Variants in STRN3 observed in about 807,000 individuals in gnomAD.
STRN3 encodes the protein striatin 3.
A neutral mutation model predicts 95.6 loss-of-function variants in STRN3; 29 were observed. That is an observed-to-expected ratio of 0.30 (90% CI 0.23 to 0.41). STRN3 has a LOEUF of 0.41. Among genes scored for constraint, STRN3 ranks in the 10% least tolerant of loss-of-function variants. The pLI, the probability that STRN3 is intolerant of heterozygous loss-of-function variation, is 1.00. For missense variants in STRN3, 890 were observed against 972.1 expected (o/e 0.92, Z 1.12); for synonymous variants, 331 against 357.6 (o/e 0.93, Z 0.84).
At chr14:30,992,441 G>A (rs1467326135) in intron 1 of STRN3, among the ~76,000 whole-genome samples, 4 of 150,988 alleles carry the variant, frequency 2.6e-5, no homozygotes, top group African/African-American at 9.7e-5. Flanking sequence ...AGAAAAAGAA[G>A]TAAGTGTCTT....
chr14:30,977,794 G>GAAAA (rs869303485), intron 1 of STRN3, among the ~76,000 whole-genome samples: 6 of 109,912 alleles, frequency 5.5e-5, no homozygotes, highest in South Asian at 4.0e-4. Context: ...ACTCTATCTC[G>GAAAA]AAAAAAAAAA....
chr14:30,989,273 T>G (rs922878916), intron 1 of STRN3, among the ~76,000 whole-genome samples: 3 of 152,114 alleles, frequency 2.0e-5, no homozygotes, highest in Admixed American at 6.6e-5. Context: ...CACCGTGAAC[T>G]TCCTCTATCT....
At chr14:31,006,952 CA>C (rs759453876) in intron 1 of STRN3, among the ~76,000 whole-genome samples, 37 of 152,052 alleles carry the variant, frequency 2.4e-4, no homozygotes, top group Non-Finnish European at 4.9e-4. Context: ...ATGGCGACTG[CA>C]CTCCAGCCTG....
At chr14:30,966,944 C>T (rs1452608890) in intron 1 of STRN3, among the ~76,000 whole-genome samples, 1 of 151,868 alleles carries the variant, frequency 6.6e-6, no homozygotes, top group African/African-American at 2.4e-5. Flanking sequence ...AGGGGGGAAG[C>T]AGGTCAACCT....
chr14:31,011,456 A>G (rs78246197), intron 1 of STRN3, among the ~76,000 whole-genome samples: 5,027 of 152,286 alleles, frequency 0.033, 291 homozygotes, highest in African/African-American at 0.11. Flanking sequence ...AGCTTAGCTA[A>G]TATGGCAAAA....
rs371044235 is a variant in STRN3, at chr14:30,936,630, C to A, written c.717-6G>T. ...CAAGAACATCACCAGAGGACCTGTG[C>A]GAAGGAAAAAAAGATAAATCCAACT... is the stretch of plus-strand genomic sequence containing the variant. On this transcript the variant is annotated splice_polypyrimidine_tract_variant and splice_region_variant and intron_variant, in intron 5 of 17. Coordinates refer to ENST00000357479, the MANE Select transcript of STRN3 (RefSeq NM_001083893.2). 3.1e-6 allele frequency: 5 copies of A among 1,596,368 alleles called. No individual in the cohort carries two copies. Among genetic ancestry groups the A allele is most frequent in the Non-Finnish European group, 3.4e-6 (4 of 1,175,230 alleles).
chr14:30,921,461 C>A (rs1896883485), intron 8 of STRN3, among the ~76,000 whole-genome samples: 1 of 152,100 alleles, frequency 6.6e-6, no homozygotes, highest in South Asian at 2.1e-4. Context: ...AGCCTGATAG[C>A]TTCAGTGTGA....
chr14:30,915,915 T>G (rs1896726600), intron 9 of STRN3, among the ~76,000 whole-genome samples: 1 of 152,234 alleles, frequency 6.6e-6, no homozygotes, highest in African/African-American at 2.4e-5. Flanking sequence ...TAATTGTACT[T>G]AACAAAAAAT....
At chr14:30,928,872 GA>G (rs3215580) in intron 8 of STRN3, among the ~76,000 whole-genome samples, 21,698 of 151,936 alleles carry the variant, frequency 0.14, 1,691 homozygotes, top group East Asian at 0.29. Flanking sequence ...CAAAAATGGA[GA>G]AATTTATACT....
Position 30,919,083 on chromosome 14 carries a change from C to T in STRN3, c.1123G>A (p.Asp375Asn), listed in dbSNP as rs777003274. The change falls in exon 9 of 18, where the codon GAC becomes AAC. Residue 375 changes from aspartate (D) to asparagine (N), a missense_variant. Physicochemically the swap from Asp to Asn is conservative, Grantham distance 23. This residue lies in a region of STRN3 where 526 missense variants were observed against 526.3 expected (regional missense o/e 1.00). Coordinates refer to ENST00000357479, the MANE Select transcript of STRN3 (RefSeq NM_001083893.2). ...TCATCTCCCAGATCAGCTATCATGT[C>T]GTAGAGTTTTGTCCTGTTGGCCCCT... Reference protein sequence around the residue: ...VKRANRTKLYDMIADLGDDEL... With the variant: ...VKRANRTKLYNMIADLGDDEL... 43 of 1,608,586 alleles carry T rather than the reference C, an allele frequency of 2.7e-5. No individual in the cohort carries two copies. Among genetic ancestry groups the T allele is most frequent in the Middle Eastern group, 1.6e-4 (1 of 6,066 alleles).
chr14:30,902,791 C>A, intron 15 of STRN3, 148 bp from the exon 16 acceptor site: 1 of 589,300 alleles, frequency 1.7e-6, no homozygotes, highest in South Asian at 2.2e-5. Context: ...AACAAGGACT[C>A]TAGAGAGATT....
intron 1 of STRN3, among the ~76,000 whole-genome samples, chr14:30,994,120 C>T (rs1882092777): frequency 6.6e-6 from 1 of 152,020 alleles, no homozygotes; most frequent in Non-Finnish European, 1.5e-5. Flanking sequence ...AGGTGATCCG[C>T]CCGCCTCGGC....
At chr14:30,923,742 A>AT (rs1328801196) in intron 8 of STRN3, among the ~76,000 whole-genome samples, 1 of 152,192 alleles carries the variant, frequency 6.6e-6, no homozygotes, top group Non-Finnish European at 1.5e-5. Context: ...AACAGCTCCT[A>AT]TCAAAGGAAA....
chr14:30,986,311 G>GT (rs58591437), intron 1 of STRN3, among the ~76,000 whole-genome samples: 22,303 of 152,118 alleles, frequency 0.15, 1,924 homozygotes, highest in South Asian at 0.39. Flanking sequence ...AGAGAAATAC[G>GT]TATTTTTATT....
intron 1 of STRN3, among the ~76,000 whole-genome samples, chr14:30,967,264 A>AG (rs1447243428): frequency 1.2e-5 from 1 of 86,924 alleles, no homozygotes; most frequent in Non-Finnish European, 2.3e-5. Context: ...AGGCAGAGAG[A>AG]GGGGGGAAGA....
chr14:30,963,814 T>C (rs1880332565), intron 1 of STRN3, among the ~76,000 whole-genome samples: 1 of 152,172 alleles, frequency 6.6e-6, no homozygotes, highest in Non-Finnish European at 1.5e-5. Flanking sequence ...TTCACAAATT[T>C]ATGGAAATTA....
chr14:30,907,069 A>C, intron 13 of STRN3, 25 bp from the exon 14 acceptor site: 1 of 1,595,390 alleles, frequency 6.3e-7, no homozygotes, highest in Non-Finnish European at 8.5e-7. Flanking sequence ...AACAAACAAA[A>C]AATTAGGTAA....
chr14:30,910,907 C>G, intron 13 of STRN3, 134 bp downstream of exon 13: 8 of 944,720 alleles, frequency 8.5e-6, no homozygotes, highest in Non-Finnish European at 1.2e-5. Context: ...TTTAATAAAG[C>G]AATTTATTAG....
chr14:30,915,907 A>G (rs769507721), intron 9 of STRN3, among the ~76,000 whole-genome samples: 1 of 152,368 alleles, frequency 6.6e-6, no homozygotes, highest in Non-Finnish European at 1.5e-5. Flanking sequence ...TTTTGGCTTA[A>G]TTGTACTTAA....
Sources: gnomAD v4.1 joint callset for allele counts (sites outside exome capture counted in the v4.1 genomes callset) on GRCh38, gnomAD v4.1.1 for gene constraint, gnomAD v4.1.1 regional missense constraint, MANE v1.5 for transcripts, NCBI Gene and HGNC (gene_info 2026-07-23, HGNC 2026-07-21) for gene names.